Variants in NRK observed in about 807,000 individuals in gnomAD.
The protein encoded by NRK is Nik related kinase, also known as nik-related protein kinase.
A neutral mutation model predicts 125.2 loss-of-function variants in NRK; 67 were observed. The ratio of observed to expected loss-of-function variants is 0.54; its 90% confidence interval spans 0.44 to 0.66. The LOEUF is 0.66. NRK is among the 30% of genes least tolerant of loss of function. The probability of loss-of-function intolerance (pLI) is 0.00; values close to 1 mark genes in which losing one functional copy is unlikely to be tolerated. For synonymous variants in NRK, 458 were observed against 429.0 expected, an observed-to-expected ratio of 1.07 and a Z score of -0.84; for missense variants, 1,224 against 1,192.9, an observed-to-expected ratio of 1.03 and a Z score of -0.38.
intron 24 of NRK, among the ~76,000 whole-genome samples, chrX:105,944,627 T>A (rs1354482178): frequency 9.0e-6 from 1 of 111,443 alleles, no homozygotes; most frequent in Non-Finnish European, 1.9e-5. Flanking sequence ...AGTCCCTGTT[T>A]TCTCTTAGTG....
chrX:105,955,945 A>G lies in NRK; in HGVS notation c.*345A>G, dbSNP rs763507298. The G allele has an allele frequency of 8.0e-6, 1 of 125,113 alleles. No homozygotes were observed. The highest frequency in any genetic ancestry group is 3.5e-4 in the South Asian group (1 of 2,897). 10.3% of individuals were successfully genotyped at this position (125,113 alleles called of 1,213,427 possible). On this transcript the variant is annotated 3_prime_UTR_variant, in exon 29 of 29. Coordinates refer to ENST00000243300, the MANE Select transcript of NRK (RefSeq NM_198465.4). ...GAAACCTGTTATGAATTAGATTACA[A>G]GCAGCCTTCAAAAGAATTGGCACTG...
chrX:105,881,812 T>C, intron 4 of NRK, 33 bp downstream of exon 4: 1 of 788,455 alleles, frequency 1.3e-6, no homozygotes, highest in Non-Finnish European at 1.9e-6. Flanking sequence ...AATACCCAAG[T>C]AGTCTTTCCT....
chrX:105,855,344 A>G (rs1381247792), intron 2 of NRK, among the ~76,000 whole-genome samples: 3 of 112,267 alleles, frequency 2.7e-5, no homozygotes, highest in Non-Finnish European at 5.6e-5. Flanking sequence ...AAGAGCATAA[A>G]GAAATAATTG....
Position 105,934,285 on chromosome X carries a change from A to G in NRK, c.3340A>G (p.Asn1114Asp). 2 of 1,178,692 alleles carry G rather than the reference A, an allele frequency of 1.7e-6. No individual in the cohort carries two copies. Among genetic ancestry groups the G allele is most frequent in the South Asian group, 3.9e-5 (2 of 50,745 alleles). ...EEPGGGNEAS[N>D]AIDSGAAPSA... ...GCCAGGTGGTGGAAATGAGGCCTCA[A>G]ATGCCATTGACTCAGGTGCTGCACC... Residue 1114 changes from asparagine (N) to aspartate (D), a missense_variant, in exon 20 of 29, where the codon AAT (asparagine) becomes GAT (aspartate). Asn to Asp is a conservative substitution (Grantham distance 23, BLOSUM62 1). Coordinates refer to ENST00000243300, the MANE Select transcript of NRK (RefSeq NM_198465.4).
intron 2 of NRK, among the ~76,000 whole-genome samples, chrX:105,839,933 C>T (rs1200769011): frequency 4.5e-5 from 5 of 111,078 alleles, no homozygotes; most frequent in African/African-American, 1.3e-4. Flanking sequence ...AATGAGACTC[C>T]AAGAACAAGT....
At chrX:105,906,887 G>A (rs1763755497) in intron 11 of NRK, among the ~76,000 whole-genome samples, 1 of 107,967 alleles carries the variant, frequency 9.3e-6, no homozygotes, top group South Asian at 4.2e-4. Flanking sequence ...ATAAAGTTTT[G>A]TGATATGCCA....
At chrX:105,848,701 C>T (rs1175145336) in intron 2 of NRK, among the ~76,000 whole-genome samples, 2 of 111,613 alleles carry the variant, frequency 1.8e-5, no homozygotes, top group Non-Finnish European at 3.8e-5. Flanking sequence ...TCACATCAGC[C>T]CCACTTCACA....
rs148906445 is a variant in NRK at position 105,840,794 on chromosome X, G to C, written c.123+9675G>C. ...AATGTACTTTTTAATATATCAAAAA[G>C]CAAATTTTGTTTTATTTTGCTTTTG... On this transcript the variant is annotated intron_variant, in intron 2 of 28. Coordinates refer to ENST00000243300, the MANE Select transcript of NRK (RefSeq NM_198465.4). Among the ~76,000 whole-genome samples, 261 of 109,810 alleles carry C rather than the reference G, an allele frequency of 2.4e-3. 7 individuals carry two copies. The East Asian group carries it at 0.066, about 28-fold the overall frequency.
chrX:105,948,386 G>T (rs1438786533), intron 26 of NRK: 1 of 198,338 alleles, frequency 5.0e-6, no homozygotes, highest in African/African-American at 2.9e-5. Context: ...AGGGAGGGGG[G>T]TGTCTTCTGA....
intron 2 of NRK, among the ~76,000 whole-genome samples, chrX:105,843,821 C>T (rs1168810699): frequency 9.0e-6 from 1 of 110,895 alleles, no homozygotes; most frequent in Non-Finnish European, 1.9e-5. Context: ...CCTACAAATG[C>T]CCTTGCTTCT....
At chrX:105,937,338 A>G in intron 21 of NRK, 101 bp from the exon 22 acceptor site, 3 of 399,912 alleles carry the variant, frequency 7.5e-6, no homozygotes, top group Non-Finnish European at 1.3e-5. Flanking sequence ...CTGATAAGTC[A>G]TCTTTACATA....
At chrX:105,867,648 T>C (rs1435146480) in intron 2 of NRK, among the ~76,000 whole-genome samples, 1 of 111,893 alleles carries the variant, frequency 8.9e-6, no homozygotes, top group Non-Finnish European at 1.9e-5. Context: ...TCAATCAGCT[T>C]GTTATACCAG....
At chrX:105,923,925 A>G (rs1384325293) in intron 18 of NRK, among the ~76,000 whole-genome samples, 1 of 78,966 alleles carries the variant, frequency 1.3e-5, no homozygotes, top group East Asian at 3.8e-4. Context: ...ATATATATAT[A>G]TGTGAAATTT....
intron 22 of NRK, among the ~76,000 whole-genome samples, chrX:105,938,981 G>A (rs940652599): frequency 1.8e-5 from 2 of 110,974 alleles, no homozygotes; most frequent in Admixed American, 1.9e-4. Flanking sequence ...GATCATATGA[G>A]AACTCAATAT....
intron 18 of NRK, among the ~76,000 whole-genome samples, chrX:105,924,329 G>T (rs1454196170): frequency 1.8e-5 from 2 of 110,931 alleles, no homozygotes; most frequent in Non-Finnish European, 3.8e-5. Flanking sequence ...TAAAACATAG[G>T]CTTAATCATT....
chrX:105,935,788 C>A (rs558151105), intron 21 of NRK, among the ~76,000 whole-genome samples: 7 of 101,541 alleles, frequency 6.9e-5, no homozygotes, highest in South Asian at 8.3e-4. Flanking sequence ...AAGACTCTCT[C>A]TATATATATT....
chrX:105,951,186 T>G (rs2040892959), intron 27 of NRK, among the ~76,000 whole-genome samples: 2 of 111,210 alleles, frequency 1.8e-5, no homozygotes, highest in South Asian at 7.5e-4. Context: ...ATGACTCATG[T>G]TCTATCCTTT....
chrX:105,892,464 C>T (rs772810656), intron 5 of NRK, among the ~76,000 whole-genome samples: 7 of 111,733 alleles, frequency 6.3e-5, no homozygotes, highest in East Asian at 2.8e-4. Context: ...AAGAAGTGTA[C>T]GTACCAGGCA....
intron 1 of NRK, among the ~76,000 whole-genome samples, chrX:105,825,471 G>GT (rs1411312649): frequency 8.9e-6 from 1 of 112,221 alleles, no homozygotes; most frequent in Non-Finnish European, 1.9e-5. Flanking sequence ...TATGACTCTA[G>GT]TTTAAGATTG....
Sources: allele counts gnomAD v4.1 joint callset (sites outside exome capture counted in the v4.1 genomes callset), GRCh38; gene constraint gnomAD v4.1.1; transcripts MANE v1.5; gene names NCBI Gene and HGNC (gene_info 2026-07-23, HGNC 2026-07-21).